The following TFDP1 variants were observed in gnomAD, a reference collection of about 807,000 sequenced individuals.
TFDP1 encodes the protein transcription factor Dp-1.
Under a neutral mutation model 48.0 loss-of-function variants are expected in TFDP1, and 6 were observed. That is an observed-to-expected ratio of 0.13 (90% CI 0.07 to 0.25). The LOEUF is 0.25. Among genes scored for constraint, TFDP1 ranks in the 10% least tolerant of loss-of-function variants. TFDP1 has a pLI of 1.00. For missense variants in TFDP1, 335 were observed against 543.0 expected, an observed-to-expected ratio of 0.62 and a Z score of 3.81; for synonymous variants, 201 against 211.6, an observed-to-expected ratio of 0.95 and a Z score of 0.44.
intron 2 of TFDP1, among the ~76,000 whole-genome samples, chr13:113,591,583 AG>A (rs1290846681): frequency 3.3e-5 from 5 of 152,186 alleles, no homozygotes; most frequent in African/African-American, 1.2e-4. Flanking sequence ...GGTGCTCTTT[AG>A]GGGATGTTAA....
Position 113,607,585 on chromosome 13 carries a change from AC to A in TFDP1, c.13-3407del, listed in dbSNP as rs2048600561. ...TGTGTGCTGCGCATGCCCTGCAGTTACCCCAGAGCTTTATGTCACAACATTG... is the reference window on the plus strand; with the variant it reads ...TGTGTGCTGCGCATGCCCTGCAGTTACCCAGAGCTTTATGTCACAACATTG... On this transcript the variant is annotated intron_variant, in intron 2 of 11. Coordinates refer to ENST00000375370, the MANE Select transcript of TFDP1 (RefSeq NM_007111.5). This position sits in a 1 kb window ranked among gnomAD's most constrained non-coding sequence, Gnocchi z 5.2. Among the ~76,000 whole-genome samples, 1 of 152,050 alleles carries A rather than the reference AC, an allele frequency of 6.6e-6. No individual in the cohort carries two copies. The highest frequency in any genetic ancestry group is 2.1e-4 in the South Asian group (1 of 4,820).
intron 3 of TFDP1, among the ~76,000 whole-genome samples, chr13:113,622,418 C>T (rs1232752921): frequency 2.0e-5 from 3 of 152,248 alleles, no homozygotes; most frequent in African/African-American, 7.2e-5. Context: ...CCTGACGCCC[C>T]TCCCGGGCTG....
intron 2 of TFDP1, among the ~76,000 whole-genome samples, chr13:113,597,925 A>G (rs2048325352): frequency 6.6e-6 from 1 of 152,152 alleles, no homozygotes; most frequent in Non-Finnish European, 1.5e-5. Context: ...AGGGGGTGGC[A>G]GGTGGCCAGA....
rs1028966360 is a variant in TFDP1 at position 113,598,597 on chromosome 13, C to T, written c.13-12399C>T. Among the ~76,000 whole-genome samples, 2 of 152,216 alleles carry T rather than the reference C, an allele frequency of 1.3e-5. No individual in the cohort carries two copies. Among genetic ancestry groups the T allele is most frequent in the African/African-American group, 4.8e-5 (2 of 41,444 alleles). On this transcript the variant is annotated intron_variant, in intron 2 of 11. Coordinates refer to ENST00000375370, the MANE Select transcript of TFDP1 (RefSeq NM_007111.5). The surrounding 1 kb of genome is among the most constrained non-coding windows in gnomAD (Gnocchi z 4.2). ...GTGACTCCCATTGTGTATGAACTTA[C>T]CTCCTCGCTCTTCAGCTTCCCCTGC...
At chr13:113,602,123 CAG>C (rs2048448462) in intron 2 of TFDP1, among the ~76,000 whole-genome samples, 1 of 145,264 alleles carries the variant, frequency 6.9e-6, no homozygotes, top group Non-Finnish European at 1.5e-5. Flanking sequence ...GAGGAGTGGA[CAG>C]AGTTACCCGC....
rs142279364 is a variant in TFDP1 at position 113,585,677 on chromosome 13, G to C, written c.-64-97G>C. 10 of 688,368 alleles carry C rather than the reference G, an allele frequency of 1.5e-5. No individual in the cohort carries two copies. In the East Asian group the frequency reaches 2.8e-4, roughly 19 times the overall value. 42.6% of individuals were successfully genotyped at this position (688,368 alleles called of 1,614,324 possible). A position where few individuals can be genotyped will look rare whatever the true frequency, so the allele number is the denominator to read the frequency against. ...GATGGAGGGTGCCTTTGGGAAGGAA[G>C]GTCCGCGTTTCCTTTGAGATGTGTT... is the stretch of plus-strand genomic sequence containing the variant. On this transcript the variant is annotated intron_variant, in intron 1 of 11. Transcript: ENST00000375370.
At chr13:113,636,467 C>A in intron 9 of TFDP1, 67 bp from the exon 10 acceptor site, 1 of 1,563,376 alleles carries the variant, frequency 6.4e-7, no homozygotes, top group Non-Finnish European at 8.7e-7. Context: ...GCCGTCCTGG[C>A]TCCACCCCAG....
chr13:113,633,781 G>A lies in TFDP1; in HGVS notation c.475-109G>A, dbSNP rs1566675381. 50 of 1,348,592 alleles carry A rather than the reference G, an allele frequency of 3.7e-5. No homozygotes were observed. The South Asian group carries it at 6.7e-4, about 18-fold the overall frequency. The allele number at this position is 1,348,592 out of a possible 1,614,324, so 83.5% of individuals were successfully genotyped here. On this transcript the variant is annotated intron_variant, in intron 6 of 11. Transcript: ENST00000375370. The surrounding 1 kb of genome is among the most constrained non-coding windows in gnomAD (Gnocchi z 4.5). ...CGCTCCCTGAGGGCATGTTGGGGTGGCGGCTCCGTGAGCGGGGTGCCCCTT... is the reference window on the plus strand; with the variant it reads ...CGCTCCCTGAGGGCATGTTGGGGTGACGGCTCCGTGAGCGGGGTGCCCCTT...
At chr13:113,631,942 A>G in intron 5 of TFDP1, 198 bp downstream of exon 5, 1 of 721,528 alleles carries the variant, frequency 1.4e-6, no homozygotes, top group Non-Finnish European at 2.2e-6. Context: ...GTCATGGAGA[A>G]GTCGGGCTGG....
At chr13:113,632,604 C>T (rs1022481033) in intron 5 of TFDP1, among the ~76,000 whole-genome samples, 3 of 152,068 alleles carry the variant, frequency 2.0e-5, no homozygotes, top group Non-Finnish European at 2.9e-5. Context: ...GGTGCAACCC[C>T]GTCTCTATTA....
chr13:113,625,530 T>C (rs2049132136), intron 4 of TFDP1, among the ~76,000 whole-genome samples: 1 of 85,242 alleles, frequency 1.2e-5, no homozygotes, highest in Admixed American at 1.1e-4. Flanking sequence ...CTCAGGTGTT[T>C]CTCAGGTGTC....
In TFDP1 at chr13:113,607,718, G is replaced by T. The variant is rs2048603821; in HGVS notation, c.13-3278G>T. 6.6e-6 allele frequency among the ~76,000 whole-genome samples: 1 copy of T among 152,200 alleles called. No individual in the cohort carries two copies. ...AACTCCCTGGGCAGCTGCTGGGGAG[G>T]AAGAAGCACTGCCCGCAAGGAGGGG... On this transcript the variant is annotated intron_variant, in intron 2 of 11. Coordinates refer to ENST00000375370, the MANE Select transcript of TFDP1 (RefSeq NM_007111.5). The surrounding 1 kb of genome is among the most constrained non-coding windows in gnomAD (Gnocchi z 5.2).
chr13:113,610,655 CT>C (rs2140398196), intron 2 of TFDP1, among the ~76,000 whole-genome samples: 1 of 152,382 alleles, frequency 6.6e-6, no homozygotes, highest in East Asian at 1.9e-4. Context: ...TGGCTGTACT[CT>C]TACCTGTGCC....
chr13:113,634,448 CTGTGAGGA>C (rs998160824), intron 7 of TFDP1, 78 bp from the exon 8 acceptor site: 45 of 1,082,862 alleles, frequency 4.2e-5, no homozygotes, highest in African/African-American at 1.1e-4. Flanking sequence ...ATAGGTAACA[CTGTGAGGA>C]TGTGAGGATG....
chr13:113,624,058 T>A (rs1329549311), intron 4 of TFDP1, among the ~76,000 whole-genome samples: 1 of 152,078 alleles, frequency 6.6e-6, no homozygotes, highest in Non-Finnish European at 1.5e-5. Flanking sequence ...CCTCAGGGAC[T>A]TGTTTATGGT....
At chr13:113,585,175 T>TGGGGCC (rs1447508729) in intron 1 of TFDP1, 2 of 144,572 alleles carry the variant, frequency 1.4e-5, no homozygotes, top group Non-Finnish European at 3.1e-5. Flanking sequence ...GGGCCGGGGC[T>TGGGGCC]GGGGCCAGGG....
intron 3 of TFDP1, among the ~76,000 whole-genome samples, chr13:113,611,651 C>G (rs1021160346): frequency 6.6e-6 from 1 of 152,198 alleles, no homozygotes; most frequent in Non-Finnish European, 1.5e-5. Context: ...GGTTTACGTT[C>G]GTGAAGGTGT....
chr13:113,590,443 C>A (rs1221444906), intron 2 of TFDP1, among the ~76,000 whole-genome samples: 1 of 152,160 alleles, frequency 6.6e-6, no homozygotes, highest in Non-Finnish European at 1.5e-5. Context: ...AAGAGGTGAA[C>A]CTGATGCAGC....
At chr13:113,615,976 G>GT (rs2048846763) in intron 3 of TFDP1, among the ~76,000 whole-genome samples, 1 of 152,060 alleles carries the variant, frequency 6.6e-6, no homozygotes, top group Admixed American at 6.6e-5. Context: ...GCCGAGGCAG[G>GT]TGTATCACCT....
Sources: allele counts gnomAD v4.1 joint callset (sites outside exome capture counted in the v4.1 genomes callset), GRCh38; gene constraint gnomAD v4.1.1; non-coding constraint Gnocchi (gnomAD v3.1); transcripts MANE v1.5; gene names NCBI Gene and HGNC (gene_info 2026-07-23, HGNC 2026-07-21).